EYS: variants seen among roughly 807,000 people sequenced by gnomAD.
EYS encodes protein eyes shut homolog.
A neutral mutation model predicts 282.1 loss-of-function variants in EYS; 250 were observed. The ratio of observed to expected loss-of-function variants is 0.89; its 90% CI spans 0.80 to 0.98. The LOEUF (loss-of-function observed/expected upper bound fraction) is 0.98, where lower values mean the gene tolerates loss of function less well. Ranked by LOEUF, EYS falls within the 50% of genes least tolerant of loss-of-function variation. EYS has a pLI of 0.00. For missense variants in EYS, 4,016 were observed against 3,709.0 expected, an observed-to-expected ratio of 1.08 and a Z score of -2.15; for synonymous variants, 1,355 against 1,282.9, an observed-to-expected ratio of 1.06 and a Z score of -1.20.
chr6:64,694,757 C>T (rs1435267094), intron 22 of EYS, among the ~76,000 whole-genome samples: 4 of 152,208 alleles, frequency 2.6e-5, no homozygotes, highest in Admixed American at 6.5e-5. Context: ...GTTGGATGTC[C>T]CCACTTTTGT....
chr6:64,467,290 G>T (rs1168196624), intron 26 of EYS, among the ~76,000 whole-genome samples: 4 of 152,044 alleles, frequency 2.6e-5, no homozygotes, highest in Non-Finnish European at 4.4e-5. Context: ...GTGTTTCCAA[G>T]ATTTTAAAAT....
intron 12 of EYS, among the ~76,000 whole-genome samples, chr6:65,281,023 G>A (rs1768204593): frequency 1.7e-5 from 2 of 114,300 alleles, no homozygotes; most frequent in African/African-American, 3.1e-5. Context: ...GCAACAGAGT[G>A]AGATGCCATC....
chr6:64,503,662 A>G (rs1370511388), intron 26 of EYS, among the ~76,000 whole-genome samples: 1 of 152,202 alleles, frequency 6.6e-6, no homozygotes, highest in African/African-American at 2.4e-5. Context: ...ATGGGGCACT[A>G]ATGCCAGAAA....
chr6:64,766,649 A>AAATATATATATATATATATAT (rs1387919586), intron 22 of EYS, among the ~76,000 whole-genome samples: 3 of 19,048 alleles, frequency 1.6e-4, no homozygotes, highest in African/African-American at 3.7e-4. Context: ...AAAAAAAAAA[A>AAATATATATATATATATATAT]ATATATATAT....
intron 2 of EYS, among the ~76,000 whole-genome samples, chr6:65,567,278 C>CAT (rs1393060059): frequency 1.3e-5 from 2 of 149,192 alleles, no homozygotes; most frequent in African/African-American, 4.9e-5. Flanking sequence ...TATATACACA[C>CAT]ACATATATAA....
At chr6:64,378,124 A>G (rs1046682132) in intron 29 of EYS, among the ~76,000 whole-genome samples, 2 of 149,566 alleles carry the variant, frequency 1.3e-5, no homozygotes, top group Non-Finnish European at 3.0e-5. Context: ...CCCTTTAATA[A>G]TAAAGATTAA....
At chr6:63,801,408 G>T (rs1008621426) in intron 37 of EYS, among the ~76,000 whole-genome samples, 3 of 152,136 alleles carry the variant, frequency 2.0e-5, no homozygotes, top group Admixed American at 6.5e-5. Context: ...CTAAAAGAAG[G>T]CCTTATCTAG....
chr6:65,689,201 A>G (rs1332385382), intron 1 of EYS, among the ~76,000 whole-genome samples: 4 of 149,820 alleles, frequency 2.7e-5, no homozygotes, highest in Non-Finnish European at 5.9e-5. Context: ...GCCATAAAAA[A>G]GGATGAATTC....
chr6:65,274,680 G>A (rs886848383), intron 12 of EYS, among the ~76,000 whole-genome samples: 4 of 152,048 alleles, frequency 2.6e-5, no homozygotes, highest in Non-Finnish European at 5.9e-5. Flanking sequence ...TATCATGCTG[G>A]TTCATTACAC....
intron 35 of EYS, among the ~76,000 whole-genome samples, chr6:63,899,949 C>T (rs1773620320): frequency 6.6e-6 from 1 of 152,152 alleles, no homozygotes; most frequent in African/African-American, 2.4e-5. Flanking sequence ...CTGAAATCTA[C>T]ATTTATAGCA....
In EYS at chr6:64,808,520, A is replaced by G. The variant is rs577015589; in HGVS notation, c.3443+4858T>C. Among the ~76,000 whole-genome samples the G allele has an allele frequency of 3.2e-4, 48 of 152,232 alleles. 2 individuals are homozygous for G. The highest frequency in any genetic ancestry group is 1.2e-3 in the African/African-American group (48 of 41,578). On this transcript the variant is annotated intron_variant, in intron 22 of 42. Transcript: ENST00000503581. ...TAAATTTACAAATCTGTTGCATAGA[A>G]AATAAATTCCTAACAGGTTCAGTGT...
intron 4 of EYS, among the ~76,000 whole-genome samples, chr6:65,493,055 A>G (rs1019762131): frequency 1.3e-5 from 2 of 152,048 alleles, no homozygotes; most frequent in African/African-American, 4.8e-5. Context: ...AGCTGGGATT[A>G]CAGGCACCCG....
chr6:65,428,827 G>A (rs1409108867), intron 5 of EYS, among the ~76,000 whole-genome samples: 2 of 152,142 alleles, frequency 1.3e-5, no homozygotes, highest in Middle Eastern at 3.4e-3. Context: ...AAGAAACACT[G>A]TGCTTCATTG....
At chr6:64,611,151 T>C (rs1767103151) in intron 24 of EYS, among the ~76,000 whole-genome samples, 1 of 152,162 alleles carries the variant, frequency 6.6e-6, no homozygotes, top group Admixed American at 6.6e-5. Flanking sequence ...AAAATACATT[T>C]TTTGTGTTTT....
chr6:65,349,874 C>T (rs1324162266), intron 9 of EYS, among the ~76,000 whole-genome samples: 1 of 151,466 alleles, frequency 6.6e-6, no homozygotes, highest in Non-Finnish European at 1.5e-5. Flanking sequence ...GCCTATACTA[C>T]AGCAATATCT....
chr6:65,187,663 C>T (rs1030882749), intron 12 of EYS, among the ~76,000 whole-genome samples: 1 of 151,588 alleles, frequency 6.6e-6, no homozygotes, highest in Non-Finnish European at 1.5e-5. Context: ...ACTGTGAAGA[C>T]TCAGTAATAA....
chr6:65,611,278 A>G (rs1023034010), intron 2 of EYS, among the ~76,000 whole-genome samples: 1 of 151,936 alleles, frequency 6.6e-6, no homozygotes, highest in Admixed American at 6.6e-5. Flanking sequence ...CAACCTACAT[A>G]AGTTCATTTT....
At chr6:63,831,885 T>G (rs1771649319) in intron 36 of EYS, among the ~76,000 whole-genome samples, 1 of 152,096 alleles carries the variant, frequency 6.6e-6, no homozygotes, top group Non-Finnish European at 1.5e-5. Context: ...CACACTGCAA[T>G]CAAACTAGAA....
At chr6:64,771,373 G>A (rs137921874) in intron 22 of EYS, among the ~76,000 whole-genome samples, 2 of 151,448 alleles carry the variant, frequency 1.3e-5, no homozygotes, top group Admixed American at 1.3e-4. Context: ...TTTATATGTT[G>A]ATGTTCCTGT....
Sources: gnomAD v4.1 joint callset for allele counts (sites outside exome capture counted in the v4.1 genomes callset) on GRCh38, gnomAD v4.1.1 for gene constraint, MANE v1.5 for transcripts, NCBI Gene and HGNC (gene_info 2026-07-23, HGNC 2026-07-21) for gene names.